Variants in GOLGB1 observed in about 807,000 individuals in gnomAD.
The protein encoded by GOLGB1 is golgin subfamily B member 1.
Under a neutral mutation model 336.9 loss-of-function variants are expected in GOLGB1, and 174 were observed. The ratio of observed to expected loss-of-function variants is 0.52; its 90% CI spans 0.46 to 0.59. The LOEUF is 0.59. GOLGB1 is among the 20% of genes least tolerant of loss of function. The probability of loss-of-function intolerance (pLI) is 0.00; values close to 1 mark genes in which losing one functional copy is unlikely to be tolerated. For synonymous variants in GOLGB1, 1,208 were observed against 1,289.2 expected (o/e 0.94, Z 1.35); for missense variants, 3,331 against 3,645.3 (o/e 0.91, Z 2.22).
chr3:121,739,498 G>C (rs1173060519), intron 1 of GOLGB1, among the ~76,000 whole-genome samples: 1 of 151,578 alleles, frequency 6.6e-6, no homozygotes, highest in Admixed American at 6.6e-5. Context: ...GAAAAACCCA[G>C]AAATAAAGTG....
intron 13 of GOLGB1, among the ~76,000 whole-genome samples, chr3:121,693,332 C>T (rs1048439631): frequency 6.6e-6 from 1 of 152,022 alleles, no homozygotes; most frequent in Non-Finnish European, 1.5e-5. Flanking sequence ...ACTAAAAATA[C>T]AAAAAATTAG....
chr3:121,677,202 T>TAAAAAAAAAATAAAA, intron 16 of GOLGB1, 83 bp downstream of exon 16: 1 of 1,137,420 alleles, frequency 8.8e-7, no homozygotes, highest in Non-Finnish European at 1.2e-6. Flanking sequence ...GGTAGCGTCT[T>TAAAAAAAAAATAAAA]AAAAAAAAAA....
At position 121,664,584 on chromosome 3, in the gene GOLGB1, G is replaced by A. The variant is rs373833777; in HGVS notation, c.9691C>T (p.Leu3231=). The stretch of plus-strand genomic sequence containing the variant: ...GTCCGTGAATGACAGAGTGAACGCA[G>A]GACTCGCTTCCATCCAACGCCACTC... The part of the protein sequence containing the change: ...TRSGVGWKRV[L]RSLCHSRTRV... Residue 3231 remains leucine, a synonymous_variant, in exon 22 of 22, where the codon CTG becomes TTG. Coordinates refer to ENST00000614479, the MANE Select transcript of GOLGB1 (RefSeq NM_001366282.2). 14 of 1,613,926 alleles carry A rather than the reference G, an allele frequency of 8.7e-6. No homozygotes were observed. In the African/African-American group the frequency reaches 1.6e-4, roughly 18 times the overall value.
chr3:121,669,327 G>T lies in GOLGB1; in HGVS notation c.9206C>A (p.Thr3069Asn). The T allele has an allele frequency of 6.2e-7, 1 of 1,613,970 alleles. No homozygotes were observed. Among genetic ancestry groups the T allele is most frequent in the Non-Finnish European group, 8.5e-7 (1 of 1,179,844 alleles). ...GGTATCGCAGAGCTGAATGGAAAGG[G>T]TGTTTTTCTCTTCCAGTAGCTGAGA... ...NFSQLLEEKN[T>N]LSIQLCDTSQ... Residue 3069 changes from threonine (T) to asparagine (N), a missense_variant, in exon 18 of 22, where the codon ACC becomes AAC. Coordinates refer to ENST00000614479, the MANE Select transcript of GOLGB1 (RefSeq NM_001366282.2).
At chr3:121,746,611 G>A (rs1345083956) in intron 1 of GOLGB1, among the ~76,000 whole-genome samples, 3 of 152,084 alleles carry the variant, frequency 2.0e-5, no homozygotes, top group Admixed American at 2.0e-4. Flanking sequence ...CCCAGTAGCT[G>A]GGATTACTGG....
At position 121,716,833 on chromosome 3, in the gene GOLGB1, A is replaced by C; in HGVS notation, c.1192T>G (p.Ser398Ala). 1 of 1,613,172 alleles carries C rather than the reference A, an allele frequency of 6.2e-7. No individual in the cohort carries two copies. Among genetic ancestry groups the C allele is most frequent in the Non-Finnish European group, 8.5e-7 (1 of 1,179,098 alleles). The change falls in exon 9 of 22, where the codon TCT (serine) becomes GCT (alanine). Residue 398 changes from serine to alanine, a missense_variant. By Grantham distance (99) the Ser-to-Ala change is moderately conservative (BLOSUM62 1). Transcript: ENST00000614479. ...SLQKTGQELQ[S>A]ACDALKDQNS... ...TGATCCTTTAGAGCATCACAGGCAG[A>C]CTGCAGCTCTTGTCCAGTCTTTTGA...
intron 14 of GOLGB1, among the ~76,000 whole-genome samples, chr3:121,683,892 G>A (rs1331801471): frequency 6.6e-6 from 1 of 151,908 alleles, no homozygotes; most frequent in Admixed American, 6.6e-5. Context: ...CACTTTGGGG[G>A]GCCGAGGTGG....
At chr3:121,715,345 G>A (rs1239266583) in intron 9 of GOLGB1, among the ~76,000 whole-genome samples, 6 of 150,864 alleles carry the variant, frequency 4.0e-5, no homozygotes, top group Non-Finnish European at 7.4e-5. Context: ...CAGGATTACA[G>A]GCATGCGTCA....
rs1220618605 is a variant in GOLGB1, at chr3:121,693,846, C to T, written c.6677G>A (p.Ser2226Asn). The T allele has an allele frequency of 1.5e-5, 25 of 1,613,342 alleles. No individual in the cohort carries two copies. The highest frequency in any genetic ancestry group is 2.0e-5 in the Non-Finnish European group (24 of 1,179,386). Residue 2226 changes from serine to asparagine, a missense_variant, in exon 13 of 22, where the codon AGC becomes AAC. Ser to Asn is a conservative substitution (Grantham distance 46). Coordinates refer to ENST00000614479, the MANE Select transcript of GOLGB1 (RefSeq NM_001366282.2). ...WERKFSDAIQ[S>N]KEEEIRLKED... Reference sequence around the variant, plus strand: ...TTTGAGTCTAATTTCTTCTTCTTTGCTTTGAATCGCATCACTAAACTTCCT... The same window carrying T: ...TTTGAGTCTAATTTCTTCTTCTTTGTTTTGAATCGCATCACTAAACTTCCT...
Position 121,747,384 on chromosome 3 carries a change from C to A in GOLGB1, c.-3+2248G>T, listed in dbSNP as rs575580065. Among the ~76,000 whole-genome samples the A allele has an allele frequency of 1.3e-3, 182 of 136,730 alleles. 1 individual carries two copies. Among genetic ancestry groups the A allele is most frequent in the African/African-American group, 5.0e-3 (176 of 35,432 alleles). The allele number at this position is 136,730 out of a possible 152,430, so 89.7% of individuals were successfully genotyped here. On this transcript the variant is annotated intron_variant, in intron 1 of 21. Coordinates refer to ENST00000614479, the MANE Select transcript of GOLGB1 (RefSeq NM_001366282.2). ...GTATATATACGTATATGTCTATATA[C>A]GTATATATATACATATATACGTATA...
intron 14 of GOLGB1, among the ~76,000 whole-genome samples, chr3:121,686,438 C>T (rs1941735195): frequency 6.6e-6 from 1 of 152,188 alleles, no homozygotes; most frequent in Non-Finnish European, 1.5e-5. Flanking sequence ...TCCTCCTTCT[C>T]AGTCCCTTTT....
At chr3:121,688,216 C>T (rs369336707) in intron 14 of GOLGB1, among the ~76,000 whole-genome samples, 4 of 152,184 alleles carry the variant, frequency 2.6e-5, no homozygotes, top group Admixed American at 6.5e-5. Flanking sequence ...TCTCTTTCCA[C>T]GGTCTCCCTC....
chr3:121,696,028 C>T lies in GOLGB1; in HGVS notation c.4495G>A (p.Glu1499Lys). The T allele has an allele frequency of 6.2e-7, 1 of 1,614,088 alleles. No homozygotes were observed. The highest frequency in any genetic ancestry group is 1.3e-5 in the African/African-American group (1 of 75,024). ...AGACTTTTGTTTTCTTTTAGTGCTTCTTTTCGGGAAATAAGGGCAGCTTGC... is the reference window on the plus strand; with the variant it reads ...AGACTTTTGTTTTCTTTTAGTGCTTTTTTTCGGGAAATAAGGGCAGCTTGC... ...KLQAALISRK[E>K]ALKENKSLQE... is the part of the protein sequence containing the mutation. The change falls in exon 13 of 22, where the codon GAA (glutamate) becomes AAA (lysine). Residue 1499 changes from glutamate to lysine, a missense_variant. By Grantham distance (56) the Glu-to-Lys change is moderately conservative. Transcript: ENST00000614479.
At chr3:121,687,266 A>C (rs1941852318) in intron 14 of GOLGB1, among the ~76,000 whole-genome samples, 1 of 152,178 alleles carries the variant, frequency 6.6e-6, no homozygotes, top group African/African-American at 2.4e-5. Flanking sequence ...CATCTCAAAA[A>C]ACAAACAAAC....
At chr3:121,707,655 A>T (rs1188095412) in intron 10 of GOLGB1, among the ~76,000 whole-genome samples, 1 of 151,980 alleles carries the variant, frequency 6.6e-6, no homozygotes, top group Non-Finnish European at 1.5e-5. Context: ...AAAAAGAAAA[A>T]AAAAAAGTCC....
chr3:121,746,486 A>AG, intron 1 of GOLGB1, among the ~76,000 whole-genome samples: 1 of 144,350 alleles, frequency 6.9e-6, no homozygotes, highest in East Asian at 2.0e-4. Context: ...TATTTATTTA[A>AG]TGTTATTTAT....
chr3:121,705,585 G>C (rs1249133312), intron 10 of GOLGB1, among the ~76,000 whole-genome samples: 1 of 152,210 alleles, frequency 6.6e-6, no homozygotes, highest in Non-Finnish European at 1.5e-5. Context: ...AAGTTCATGA[G>C]ACAGAGCTGA....
chr3:121,697,935 G>A lies in GOLGB1; in HGVS notation c.2588C>T (p.Ser863Leu). The A allele has an allele frequency of 1.9e-6, 3 of 1,614,030 alleles. No individual in the cohort carries two copies. Among genetic ancestry groups the A allele is most frequent in the Non-Finnish European group, 2.5e-6 (3 of 1,179,968 alleles). ...LEGAERVRHI[S>L]SKVEELSQAL... ...CTGGGACAGTTCTTCCACTTTACTT[G>A]AGATATGCCTTACACGTTCTGCCCC... Residue 863 changes from serine (S) to leucine (L), a missense_variant, in exon 13 of 22, where the codon TCA becomes TTA. Physicochemically the swap from Ser to Leu is moderately radical, Grantham distance 145 (BLOSUM62 -2). Transcript: ENST00000614479.
At chr3:121,742,317 T>C (rs1560340334) in intron 1 of GOLGB1, among the ~76,000 whole-genome samples, 1 of 151,934 alleles carries the variant, frequency 6.6e-6, no homozygotes. Context: ...ACACCACACA[T>C]CTACAACCAT....
Sources: allele counts gnomAD v4.1 joint callset (sites outside exome capture counted in the v4.1 genomes callset), GRCh38; gene constraint gnomAD v4.1.1; transcripts MANE v1.5; gene names NCBI Gene and HGNC (gene_info 2026-07-23, HGNC 2026-07-21).